SPTBN4: variants seen among roughly 807,000 people sequenced by gnomAD.
The protein encoded by SPTBN4 is spectrin beta chain, non-erythrocytic 4.
In SPTBN4, 96 loss-of-function variants were observed where a neutral mutation model predicts 277.8. The observed-to-expected ratio is 0.35, with a 90% CI of 0.29 to 0.41. SPTBN4 has a LOEUF of 0.41. Ranked by LOEUF, SPTBN4 falls within the 10% of genes least tolerant of loss-of-function variation. SPTBN4 has a pLI of 1.00. For missense variants in SPTBN4, 3,006 were observed against 3,595.7 expected, an observed-to-expected ratio of 0.84 and a Z score of 4.19; for synonymous variants, 1,481 against 1,580.3, an observed-to-expected ratio of 0.94 and a Z score of 1.49.
chr19:40,534,035 T>C, intron 19 of SPTBN4, 45 bp from the exon 20 acceptor site: 1 of 1,552,610 alleles, frequency 6.4e-7, no homozygotes. Context: ...CTCCCCACCA[T>C]CTATCTATCT....
intron 13 of SPTBN4, 149 bp from the exon 14 acceptor site, chr19:40,512,457 G>GGAC (rs2145864000): frequency 9.9e-7 from 1 of 1,012,068 alleles, no homozygotes; most frequent in Admixed American, 3.4e-5. Flanking sequence ...CAGCCTTGGG[G>GGAC]TGTCAGGGAA....
Position 40,490,018 on chromosome 19 carries a change from G to C in SPTBN4, c.322-57G>C. On this transcript the variant is annotated intron_variant, in intron 3 of 35. Transcript: ENST00000598249. This position sits in a 1 kb window ranked among gnomAD's most constrained non-coding sequence, Gnocchi z 4.3. Reference sequence around the variant, plus strand: ...CTTCTTTGGAAGCTGCGGGGCCGAGGGCGCCATACTCCTGTCTGTCCAGAC... The same window carrying C: ...CTTCTTTGGAAGCTGCGGGGCCGAGCGCGCCATACTCCTGTCTGTCCAGAC... The C allele has an allele frequency of 6.7e-7, 1 of 1,488,482 alleles. No homozygotes were observed. Among genetic ancestry groups the C allele is most frequent in the Non-Finnish European group, 8.9e-7 (1 of 1,117,698 alleles). 92.2% of individuals were successfully genotyped at this position (1,488,482 alleles called of 1,614,324 possible). A position where few individuals can be genotyped will look rare whatever the true frequency, so the allele number is the denominator to read the frequency against.
intron 13 of SPTBN4, among the ~76,000 whole-genome samples, chr19:40,510,213 T>C (rs1369316262): frequency 2.6e-5 from 4 of 152,066 alleles, no homozygotes; most frequent in Non-Finnish European, 4.4e-5. Context: ...ATGGGGCTGA[T>C]AAGGACACTG....
intron 18 of SPTBN4, among the ~76,000 whole-genome samples, chr19:40,531,986 C>T (rs2080680383): frequency 1.3e-5 from 2 of 151,904 alleles, no homozygotes; most frequent in Admixed American, 6.5e-5. Context: ...CCTGTGGGCT[C>T]ATTAGGGGTG....
chr19:40,504,763 G>A (rs1477773414), intron 12 of SPTBN4, among the ~76,000 whole-genome samples: 2 of 152,004 alleles, frequency 1.3e-5, no homozygotes, highest in African/African-American at 4.8e-5. Context: ...CTCAAGAATT[G>A]CTTGAATCCA....
At chr19:40,541,013 G>A (rs1278257470) in intron 20 of SPTBN4, among the ~76,000 whole-genome samples, 1 of 152,012 alleles carries the variant, frequency 6.6e-6, no homozygotes, top group Admixed American at 6.6e-5. Context: ...CCAACACTTG[G>A]TTTTGTCAGA....
In SPTBN4 at chr19:40,556,998, C is replaced by A. The variant is rs756893843; in HGVS notation, c.5290-25C>A. ...TGCCCCTTTGCTCACTTTGCTGTAC[C>A]CCCCCCCCCACTTCCTGATGGCAGG... On this transcript the variant is annotated intron_variant, in intron 25 of 35. Transcript: ENST00000598249. The A allele has an allele frequency of 8.4e-6, 9 of 1,070,924 alleles. No individual in the cohort carries two copies. In the African/African-American group the frequency reaches 1.0e-4, roughly 12 times the overall value. 66.3% of individuals were successfully genotyped at this position (1,070,924 alleles called of 1,614,324 possible).
rs566391350 is a variant in SPTBN4, at chr19:40,528,403, C to T, written c.3858-638C>T. Among the ~76,000 whole-genome samples, 4 of 152,186 alleles carry T rather than the reference C, an allele frequency of 2.6e-5. No individual in the cohort carries two copies. The South Asian group carries it at 6.2e-4, about 24-fold the overall frequency. On this transcript the variant is annotated intron_variant, in intron 17 of 35. Coordinates refer to ENST00000598249, the MANE Select transcript of SPTBN4 (RefSeq NM_020971.3). The stretch of plus-strand genomic sequence containing the variant: ...AGGAGTGCCCACTTCAGCTTCTCTG[C>T]GACTCTGCTGTCATCTCTCCCCACA...
intron 3 of SPTBN4, among the ~76,000 whole-genome samples, chr19:40,489,228 A>AAAAAGAAAGAAAG (rs781378644): frequency 1.4e-5 from 2 of 141,644 alleles, no homozygotes; most frequent in East Asian, 4.0e-4. Context: ...AAAAAAAAAA[A>AAAAAGAAAGAAAG]AAAGAAAGAA....
intron 2 of SPTBN4, among the ~76,000 whole-genome samples, chr19:40,480,433 CAG>C (rs950459239): frequency 4.7e-5 from 7 of 149,480 alleles, no homozygotes; most frequent in Admixed American, 1.3e-4. Flanking sequence ...AACAAACAAA[CAG>C]AATGTGACAT....
intron 15 of SPTBN4, among the ~76,000 whole-genome samples, chr19:40,516,844 C>T (rs946155191): frequency 6.6e-6 from 1 of 152,012 alleles, no homozygotes; most frequent in Non-Finnish European, 1.5e-5. Flanking sequence ...AACAAACAAA[C>T]AAACAAACAA....
chr19:40,518,238 G>T (rs982980790), intron 15 of SPTBN4, among the ~76,000 whole-genome samples: 1 of 151,988 alleles, frequency 6.6e-6, no homozygotes, highest in Non-Finnish European at 1.5e-5. Flanking sequence ...CCTGGGAGGC[G>T]GAGGTTGCAG....
intron 7 of SPTBN4, among the ~76,000 whole-genome samples, 195 bp downstream of exon 7, chr19:40,497,799 C>G (rs1211302030): frequency 6.6e-6 from 1 of 151,870 alleles, no homozygotes; most frequent in Non-Finnish European, 1.5e-5. Context: ...TGCGATCCCT[C>G]CCACATACCA....
chr19:40,539,710 C>A, intron 20 of SPTBN4, among the ~76,000 whole-genome samples: 1 of 151,420 alleles, frequency 6.6e-6, no homozygotes, highest in East Asian at 2.0e-4. Flanking sequence ...AAACTCCTGA[C>A]CTCAAGTGAT....
At position 40,502,446 on chromosome 19, in the gene SPTBN4, G is replaced by C. The variant is rs768349252; in HGVS notation, c.1142G>C (p.Arg381Pro). Residue 381 changes from arginine to proline, a missense_variant, in exon 10 of 36, where the codon CGT becomes CCT. Coordinates refer to ENST00000598249, the MANE Select transcript of SPTBN4 (RefSeq NM_020971.3). The surrounding 1 kb of genome is among the most constrained non-coding windows in gnomAD (Gnocchi z 4.9). ...CTCTTCAGCATCCAGAGCAAACTGCGTGCCTGCAACCGTCGCCTCTTTGTG... is the reference window on the plus strand; with the variant it reads ...CTCTTCAGCATCCAGAGCAAACTGCCTGCCTGCAACCGTCGCCTCTTTGTG... ...VLLFSIQSKL[R>P]ACNRRLFVPR... 6.2e-7 allele frequency: 1 copy of C among 1,613,642 alleles called. No individual in the cohort carries two copies. The highest frequency in any genetic ancestry group is 8.5e-7 in the Non-Finnish European group (1 of 1,179,980).
At chr19:40,570,849 T>C in intron 33 of SPTBN4, 121 bp downstream of exon 33, 1 of 1,010,382 alleles carries the variant, frequency 9.9e-7, no homozygotes. Context: ...GTGGCGGTAG[T>C]AGGTGGGGCC....
intron 27 of SPTBN4, 136 bp from the exon 28 acceptor site, chr19:40,565,287 A>C: frequency 8.6e-7 from 1 of 1,166,012 alleles, no homozygotes; most frequent in Non-Finnish European, 1.2e-6. Context: ...AAAAGAAAAG[A>C]AAAGAAAAGA....
At position 40,554,200 on chromosome 19, in the gene SPTBN4, G is replaced by C; in HGVS notation, c.4728G>C (p.Glu1576Asp). Reference protein sequence around the residue: ...AHGPRLEEVLERAGALASLRS... With the variant: ...AHGPRLEEVLDRAGALASLRS... The stretch of plus-strand genomic sequence containing the variant: ...GGCCGCGCCTGGAGGAGGTGCTGGA[G>C]CGCGCGGGCGCGCTGGCGTCGCTGC... The change falls in exon 23 of 36, where the codon GAG becomes GAC. Residue 1576 changes from glutamate to aspartate, a missense_variant. By Grantham distance (45) the Glu-to-Asp change is conservative. Transcript: ENST00000598249. The surrounding 1 kb of genome is among the most constrained non-coding windows in gnomAD (Gnocchi z 5.7). 2 of 1,478,776 alleles carry C rather than the reference G, an allele frequency of 1.4e-6. No individual in the cohort carries two copies. Among genetic ancestry groups the C allele is most frequent in the Non-Finnish European group, 1.8e-6 (2 of 1,127,188 alleles). The allele number at this position is 1,478,776 out of a possible 1,614,324, so 91.6% of individuals were successfully genotyped here.
chr19:40,495,028 C>T (rs1330395912), intron 6 of SPTBN4, 51 bp downstream of exon 6: 1 of 1,545,930 alleles, frequency 6.5e-7, no homozygotes, highest in Non-Finnish European at 8.9e-7. Flanking sequence ...CCCCCATATC[C>T]CTGCAGCTGC....
Sources: gnomAD v4.1 joint callset for allele counts (sites outside exome capture counted in the v4.1 genomes callset) on GRCh38, gnomAD v4.1.1 for gene constraint, Gnocchi (gnomAD v3.1) non-coding constraint, MANE v1.5 for transcripts, NCBI Gene and HGNC (gene_info 2026-07-23, HGNC 2026-07-21) for gene names.